TMEM132D: variants seen among roughly 807,000 people sequenced by gnomAD.
TMEM132D encodes the protein transmembrane protein 132D.
In TMEM132D, 21 loss-of-function variants were observed where a neutral mutation model predicts 62.3. The observed-to-expected ratio is 0.34, with a 90% CI of 0.24 to 0.49. TMEM132D has a LOEUF of 0.49. Among genes scored for constraint, TMEM132D ranks in the 20% least tolerant of loss-of-function variants. The pLI is 0.99. For missense variants in TMEM132D, 1,346 were observed against 1,402.8 expected, an observed-to-expected ratio of 0.96 and a Z score of 0.65; for synonymous variants, 621 against 575.6, an observed-to-expected ratio of 1.08 and a Z score of -1.13.
intron 2 of TMEM132D, among the ~76,000 whole-genome samples, chr12:129,659,974 G>A (rs1037555765): frequency 6.6e-6 from 1 of 152,150 alleles, no homozygotes; most frequent in Admixed American, 6.5e-5. Flanking sequence ...GAACCCCTTG[G>A]GCCTGGGAAG....
chr12:129,766,532 G>A (rs1183074575), intron 1 of TMEM132D, among the ~76,000 whole-genome samples: 1 of 152,150 alleles, frequency 6.6e-6, no homozygotes, highest in Non-Finnish European at 1.5e-5. Context: ...AGAAGCAGAA[G>A]TTATAAAAAG....
At chr12:129,260,623 T>G (rs1426595198) in intron 4 of TMEM132D, among the ~76,000 whole-genome samples, 2 of 152,198 alleles carry the variant, frequency 1.3e-5, no homozygotes, top group Admixed American at 6.5e-5. Flanking sequence ...ACTGGAGAAG[T>G]GCACAGTGTA....
At chr12:129,432,952 C>G (rs867518428) in intron 3 of TMEM132D, among the ~76,000 whole-genome samples, 44 of 152,304 alleles carry the variant, frequency 2.9e-4, no homozygotes, top group Non-Finnish European at 4.7e-4. Context: ...CCAGGGTAAA[C>G]ATTACCCTGA....
rs192723143 is a variant in TMEM132D, at chr12:129,731,524, C to T, written c.80-30826G>A. 2.5e-3 allele frequency among the ~76,000 whole-genome samples: 373 copies of T among 152,196 alleles called. 1 individual carries two copies. The highest frequency in any genetic ancestry group is 3.0e-3 in the Non-Finnish European group (202 of 68,020). On this transcript the variant is annotated intron_variant, in intron 1 of 8. Transcript: ENST00000422113. Reference sequence around the variant, plus strand: ...TAACCAAGGGCATATCCAGGGAGGACACTGAAGACCTGCCAGGTGTGTATG... The same window carrying T: ...TAACCAAGGGCATATCCAGGGAGGATACTGAAGACCTGCCAGGTGTGTATG...
At chr12:129,640,010 C>T (rs574987622) in intron 2 of TMEM132D, among the ~76,000 whole-genome samples, 2 of 151,956 alleles carry the variant, frequency 1.3e-5, no homozygotes, top group African/African-American at 2.4e-5. Context: ...CAGAATGCTG[C>T]CACATGTTTC....
At chr12:129,835,040 A>T (rs559721370) in intron 1 of TMEM132D, among the ~76,000 whole-genome samples, 1 of 152,328 alleles carries the variant, frequency 6.6e-6, no homozygotes, top group South Asian at 2.1e-4. Flanking sequence ...CATCAGCCGT[A>T]TGCACTAGGA....
At chr12:129,440,350 T>C (rs1872905114) in intron 3 of TMEM132D, among the ~76,000 whole-genome samples, 1 of 152,156 alleles carries the variant, frequency 6.6e-6, no homozygotes, top group East Asian at 1.9e-4. Flanking sequence ...GCCAGTTCTG[T>C]TTCTCTGTGT....
At chr12:129,842,023 T>C (rs1414515174) in intron 1 of TMEM132D, among the ~76,000 whole-genome samples, 18 of 149,684 alleles carry the variant, frequency 1.2e-4, no homozygotes, top group African/African-American at 4.2e-4. Context: ...CTCTGCCTCC[T>C]GGTTTCACGC....
intron 3 of TMEM132D, among the ~76,000 whole-genome samples, chr12:129,393,429 T>C (rs957836841): frequency 6.6e-6 from 1 of 152,228 alleles, no homozygotes; most frequent in Non-Finnish European, 1.5e-5. Context: ...GATGCTTTCC[T>C]GTTTCTTTCC....
At chr12:129,571,378 AC>A (rs1286520342) in intron 2 of TMEM132D, among the ~76,000 whole-genome samples, 1 of 152,160 alleles carries the variant, frequency 6.6e-6, no homozygotes, top group Non-Finnish European at 1.5e-5. Context: ...AGCCTGGCCA[AC>A]ATGGTGAAAC....
chr12:129,759,552 G>C (rs1870283095), intron 1 of TMEM132D, among the ~76,000 whole-genome samples: 1 of 152,206 alleles, frequency 6.6e-6, no homozygotes, highest in African/African-American at 2.4e-5. Flanking sequence ...CTCTGTAAAA[G>C]AGAGTTTATT....
chr12:129,127,471 A>G (rs1390138158), intron 5 of TMEM132D, among the ~76,000 whole-genome samples: 1 of 152,196 alleles, frequency 6.6e-6, no homozygotes, highest in Non-Finnish European at 1.5e-5. Flanking sequence ...CCCAAGAGCC[A>G]AATTTTGTTC....
chr12:129,128,148 C>G (rs1876270048), intron 5 of TMEM132D, among the ~76,000 whole-genome samples: 1 of 152,180 alleles, frequency 6.6e-6, no homozygotes, highest in Non-Finnish European at 1.5e-5. Context: ...CAACTCTAGG[C>G]AACCCTGGAG....
chr12:129,353,705 C>T (rs1869947119), intron 3 of TMEM132D, among the ~76,000 whole-genome samples: 1 of 152,186 alleles, frequency 6.6e-6, no homozygotes, highest in Non-Finnish European at 1.5e-5. Flanking sequence ...TAGTTTTGCC[C>T]ACTGGTGTGG....
chr12:129,472,554 C>A (rs1874124044), intron 3 of TMEM132D, among the ~76,000 whole-genome samples: 1 of 152,020 alleles, frequency 6.6e-6, no homozygotes, highest in Non-Finnish European at 1.5e-5. Flanking sequence ...ACCTATGTAA[C>A]AAACCTGCAT....
At chr12:129,634,504 G>A (rs1162526813) in intron 2 of TMEM132D, among the ~76,000 whole-genome samples, 1 of 151,196 alleles carries the variant, frequency 6.6e-6, no homozygotes, top group African/African-American at 2.4e-5. Context: ...AATTTTTCAG[G>A]ATGGCACTGT....
intron 1 of TMEM132D, among the ~76,000 whole-genome samples, chr12:129,719,910 T>C (rs1256765540): frequency 6.6e-6 from 1 of 152,208 alleles, no homozygotes; most frequent in African/African-American, 2.4e-5. Context: ...TTCAAAGCTA[T>C]TTAACGGCTG....
chr12:129,705,378 T>A (rs1409329652), intron 1 of TMEM132D, among the ~76,000 whole-genome samples: 1 of 152,172 alleles, frequency 6.6e-6, no homozygotes, highest in Non-Finnish European at 1.5e-5. Context: ...AAAGAGTAAT[T>A]CTATAAGCAT....
chr12:129,871,922 A>C (rs956370330), intron 1 of TMEM132D, among the ~76,000 whole-genome samples: 1 of 152,214 alleles, frequency 6.6e-6, no homozygotes, highest in African/African-American at 2.4e-5. Flanking sequence ...GGCCAGGCCT[A>C]CAGGAACGGA....
Sources: allele counts gnomAD v4.1 joint callset (sites outside exome capture counted in the v4.1 genomes callset), GRCh38; gene constraint gnomAD v4.1.1; transcripts MANE v1.5; gene names NCBI Gene and HGNC (gene_info 2026-07-23, HGNC 2026-07-21).